The following MSH3 variants were observed in gnomAD, a reference collection of about 807,000 sequenced individuals.
The protein encoded by MSH3 is mutS homolog 3, also known as DNA mismatch repair protein Msh3.
In MSH3, 106 loss-of-function variants were observed where a neutral mutation model predicts 123.3. That is an observed-to-expected ratio of 0.86 (90% CI 0.73 to 1.01). MSH3 has a LOEUF of 1.01. Ranked by LOEUF, MSH3 falls within the 50% of genes least tolerant of loss-of-function variation. MSH3 has a pLI of 0.00. For missense variants in MSH3, 1,459 were observed against 1,347.6 expected, an observed-to-expected ratio of 1.08 and a Z score of -1.29; for synonymous variants, 515 against 481.4, an observed-to-expected ratio of 1.07 and a Z score of -0.91.
chr5:80,867,626 T>C (rs1287551720), intron 22 of MSH3, among the ~76,000 whole-genome samples: 1 of 152,234 alleles, frequency 6.6e-6, no homozygotes, highest in African/African-American at 2.4e-5. Context: ...GGAATAAATG[T>C]TGAATTAGGC....
chr5:80,676,733 A>G (rs943182891), intron 7 of MSH3, among the ~76,000 whole-genome samples: 1 of 152,222 alleles, frequency 6.6e-6, no homozygotes, highest in Non-Finnish European at 1.5e-5. Context: ...ATCTAGCTAC[A>G]GGCATTTGGA....
At chr5:80,658,050 T>TTTTTTTTTTTTTTTGATTG (rs1580541891) in intron 2 of MSH3, among the ~76,000 whole-genome samples, 1 of 149,266 alleles carries the variant, frequency 6.7e-6, no homozygotes, top group African/African-American at 2.5e-5. Context: ...TTTTTTTTTT[T>TTTTTTTTTTTTTTTGATTG]GAGATAGGGT....
chr5:80,856,759 G>A (rs1005858981), intron 21 of MSH3, among the ~76,000 whole-genome samples: 1 of 152,086 alleles, frequency 6.6e-6, no homozygotes, highest in African/African-American at 2.4e-5. Flanking sequence ...ATTAACCTTG[G>A]ATCCTGCAAC....
chr5:80,756,380 T>C (rs1743925714), intron 12 of MSH3, among the ~76,000 whole-genome samples: 1 of 152,202 alleles, frequency 6.6e-6, no homozygotes, highest in Admixed American at 6.5e-5. Flanking sequence ...CTTCAGTGTT[T>C]CTTCTCTGGA....
intron 22 of MSH3, among the ~76,000 whole-genome samples, chr5:80,869,489 C>T (rs1469298807): frequency 6.6e-6 from 1 of 152,016 alleles, no homozygotes; most frequent in African/African-American, 2.4e-5. Context: ...CCAGCACCCC[C>T]AACCCCTCTC....
intron 8 of MSH3, among the ~76,000 whole-genome samples, chr5:80,709,777 G>C (rs886557329): frequency 2.0e-5 from 3 of 151,958 alleles, no homozygotes; most frequent in African/African-American, 7.3e-5. Context: ...TTTTCTTCTT[G>C]TATTTTGTGA....
chr5:80,669,468 A>G (rs1286657061), intron 3 of MSH3, among the ~76,000 whole-genome samples: 1 of 152,238 alleles, frequency 6.6e-6, no homozygotes, highest in Non-Finnish European at 1.5e-5. Flanking sequence ...GTGAATTGGA[A>G]TTAATTATGG....
chr5:80,738,829 A>T (rs1399052605), intron 10 of MSH3, among the ~76,000 whole-genome samples: 2 of 152,166 alleles, frequency 1.3e-5, no homozygotes, highest in Admixed American at 6.5e-5. Flanking sequence ...GCCTTTTACT[A>T]AGTGATTAGG....
rs918010910 is a variant in MSH3, at chr5:80,671,558, C to T, written c.793-686C>T. On this transcript the variant is annotated intron_variant, in intron 4 of 23. Coordinates refer to ENST00000265081, the MANE Select transcript of MSH3 (RefSeq NM_002439.5). The stretch of plus-strand genomic sequence containing the variant: ...AAGGAGAGAAACTGTCTAGGTTAAA[C>T]GGTAAATTCAGACCTGACCACGGTA... 3.9e-5 allele frequency among the ~76,000 whole-genome samples: 6 copies of T among 152,128 alleles called. No homozygotes were observed. The South Asian group carries it at 8.3e-4, about 21-fold the overall frequency.
chr5:80,831,725 C>A (rs1322346157), intron 20 of MSH3, among the ~76,000 whole-genome samples: 2 of 150,842 alleles, frequency 1.3e-5, no homozygotes, highest in African/African-American at 2.4e-5. Context: ...ACTTAGACAT[C>A]CATTTTGGAC....
intron 15 of MSH3, among the ~76,000 whole-genome samples, chr5:80,774,547 T>C (rs1169964331): frequency 1.3e-5 from 2 of 152,130 alleles, no homozygotes; most frequent in Non-Finnish European, 2.9e-5. Flanking sequence ...CAGCTAAGAT[T>C]TGGAAACAAA....
intron 22 of MSH3, 73 bp from the exon 23 acceptor site, chr5:80,873,043 A>T: frequency 1.5e-6 from 2 of 1,293,968 alleles, no homozygotes; most frequent in Non-Finnish European, 2.2e-6. Flanking sequence ...ATGAGAACTT[A>T]CATGTCCTTT....
At chr5:80,823,639 G>A (rs1745238494) in intron 20 of MSH3, among the ~76,000 whole-genome samples, 1 of 150,794 alleles carries the variant, frequency 6.6e-6, no homozygotes, top group Middle Eastern at 3.2e-3. Context: ...TTTCCATGGA[G>A]CTTTAAAAAA....
chr5:80,676,362 T>A (rs1749838506), intron 7 of MSH3, among the ~76,000 whole-genome samples: 1 of 152,190 alleles, frequency 6.6e-6, no homozygotes, highest in Admixed American at 6.5e-5. Flanking sequence ...TCTGGCAGTT[T>A]ATGAATAAAT....
rs1187235068 is a variant in MSH3, at chr5:80,784,230, AAAAAAAAAAGG to A, written c.2436-3334_2436-3324del. 4.3e-3 allele frequency among the ~76,000 whole-genome samples: 587 copies of A among 135,850 alleles called. 52 individuals are homozygous for A. The highest frequency in any genetic ancestry group is 0.018 in the African/African-American group (566 of 32,158). 89.1% of individuals were successfully genotyped at this position (135,850 alleles called of 152,430 possible). A position where few individuals can be genotyped will look rare whatever the true frequency, so the allele number is the denominator to read the frequency against. On this transcript the variant is annotated intron_variant, in intron 17 of 23. Coordinates refer to ENST00000265081, the MANE Select transcript of MSH3 (RefSeq NM_002439.5). ...TACGTCGCAAAAAAAAAAAAAAAAA[AAAAAAAAAAGG>A]GAAATAAATAAATAAATAAATAAAG... is the stretch of plus-strand genomic sequence containing the variant.
rs537819231 is a variant in MSH3 at position 80,858,730 on chromosome 5, G to A, written c.3000+4414G>A. Among the ~76,000 whole-genome samples, 3 of 152,186 alleles carry A rather than the reference G, an allele frequency of 2.0e-5. No homozygotes were observed. In the East Asian group the frequency reaches 5.8e-4, roughly 29 times the overall value. On this transcript the variant is annotated intron_variant, in intron 21 of 23. Transcript: ENST00000265081. ...TATAAATGATGTCTAGTTGATTGAT[G>A]GTGTTGTTGAGTTCAGCTGTGTCCT...
chr5:80,819,408 GTGTATATA>G (rs1745163162), intron 20 of MSH3, among the ~76,000 whole-genome samples: 1 of 148,532 alleles, frequency 6.7e-6, no homozygotes, highest in Non-Finnish European at 1.5e-5. Context: ...GTATATATGT[GTGTATATA>G]TGTATATATG....
intron 20 of MSH3, among the ~76,000 whole-genome samples, chr5:80,831,691 C>CAAA (rs201171665): frequency 8.1e-6 from 1 of 122,714 alleles, no homozygotes. Context: ...ATGTAATATC[C>CAAA]AAAAAAAAAA....
chr5:80,697,455 C>T (rs1394624603), intron 8 of MSH3, among the ~76,000 whole-genome samples: 1 of 152,140 alleles, frequency 6.6e-6, no homozygotes, highest in African/African-American at 2.4e-5. Flanking sequence ...CCTGTGATTT[C>T]ATAAATGTGT....
Sources: gnomAD v4.1 joint callset for allele counts (sites outside exome capture counted in the v4.1 genomes callset) on GRCh38, gnomAD v4.1.1 for gene constraint, MANE v1.5 for transcripts, NCBI Gene and HGNC (gene_info 2026-07-23, HGNC 2026-07-21) for gene names.